CDH23: variants seen among roughly 807,000 people sequenced by gnomAD.
CDH23 encodes the protein cadherin-23.
A neutral mutation model predicts 317.1 loss-of-function variants in CDH23; 189 were observed. The ratio of observed to expected loss-of-function variants is 0.60; its 90% CI spans 0.53 to 0.67. The LOEUF (loss-of-function observed/expected upper bound fraction) is 0.67, where lower values mean the gene tolerates loss of function less well. Among genes scored for constraint, CDH23 ranks in the 30% least tolerant of loss-of-function variants. The probability of loss-of-function intolerance (pLI) is 0.00; values close to 1 mark genes in which losing one functional copy is unlikely to be tolerated. For missense variants in CDH23, 4,401 were observed against 4,592.4 expected, an observed-to-expected ratio of 0.96 and a Z score of 1.20; for synonymous variants, 1,839 against 1,876.8, an observed-to-expected ratio of 0.98 and a Z score of 0.52.
chr10:71,577,487 TC>T (rs1858292712), intron 8 of CDH23, among the ~76,000 whole-genome samples: 1 of 152,042 alleles, frequency 6.6e-6, no homozygotes, highest in Non-Finnish European at 1.5e-5. Flanking sequence ...GAAAACAAGG[TC>T]CCAGGCTTTT....
chr10:71,558,148 C>A (rs1326191421), intron 6 of CDH23, among the ~76,000 whole-genome samples: 2 of 152,134 alleles, frequency 1.3e-5, no homozygotes, highest in African/African-American at 4.8e-5. Flanking sequence ...TGGGCACCCA[C>A]TACCATGCCC....
chr10:71,661,791 G>C (rs1410700279), intron 14 of CDH23, among the ~76,000 whole-genome samples: 3 of 23,504 alleles, frequency 1.3e-4, no homozygotes, highest in Non-Finnish European at 2.4e-4. Context: ...CTCCCACCCT[G>C]CGCGCCCCCT....
intron 26 of CDH23, among the ~76,000 whole-genome samples, chr10:71,708,803 C>T (rs1747392705): frequency 6.6e-6 from 1 of 152,250 alleles, no homozygotes; most frequent in Admixed American, 6.5e-5. Flanking sequence ...AGGCACATCA[C>T]TGAGTGAGGG....
chr10:71,446,594 G>T (rs1017177424), intron 3 of CDH23, among the ~76,000 whole-genome samples, 199 bp downstream of exon 3: 4 of 152,142 alleles, frequency 2.6e-5, no homozygotes, highest in Non-Finnish European at 5.9e-5. Flanking sequence ...ACGTCAAAGG[G>T]TTTATCACAT....
intron 28 of CDH23, among the ~76,000 whole-genome samples, chr10:71,722,669 T>C (rs1397186150): frequency 6.6e-6 from 1 of 152,194 alleles, no homozygotes; most frequent in African/African-American, 2.4e-5. Flanking sequence ...GTGGGGGCTA[T>C]AATTTCATAT....
chr10:71,500,766 TTTC>T (rs1853251509), intron 3 of CDH23, among the ~76,000 whole-genome samples: 2 of 99,114 alleles, frequency 2.0e-5, no homozygotes, highest in African/African-American at 8.3e-5. Flanking sequence ...CCTGTTTTCT[TTTC>T]TTTTCTTTTC....
At chr10:71,643,768 G>T in intron 11 of CDH23, 93 bp from the exon 12 acceptor site, 1 of 748,674 alleles carries the variant, frequency 1.3e-6, no homozygotes, top group South Asian at 1.4e-5. Context: ...GGGTCTCACT[G>T]TCTTTTCTCT....
Position 71,690,460 on chromosome 10 carries a change from C to A in CDH23, c.2060-8C>A. ...GCACCCCCTGCCCCCACCTTTTTCCCCCTGAAGGAGCCACGGTGCTGTTCC... is the reference window on the plus strand; with the variant it reads ...GCACCCCCTGCCCCCACCTTTTTCCACCTGAAGGAGCCACGGTGCTGTTCC... On this transcript the variant is annotated splice_region_variant and splice_polypyrimidine_tract_variant and intron_variant, in intron 19 of 69. Coordinates refer to ENST00000224721, the MANE Select transcript of CDH23 (RefSeq NM_022124.6). The A allele has an allele frequency of 2.5e-6, 4 of 1,585,916 alleles. No homozygotes were observed. Among genetic ancestry groups the A allele is most frequent in the East Asian group, 2.3e-5 (1 of 43,528 alleles).
At chr10:71,730,379 G>T in intron 30 of CDH23, 90 bp from the exon 31 acceptor site, 1 of 1,510,308 alleles carries the variant, frequency 6.6e-7, no homozygotes. Context: ...GGAAAGCAGT[G>T]ACCACACAAG....
At chr10:71,482,728 C>T (rs757648894) in intron 3 of CDH23, among the ~76,000 whole-genome samples, 2 of 152,272 alleles carry the variant, frequency 1.3e-5, no homozygotes, top group Non-Finnish European at 2.9e-5. Context: ...AAGCCGAGTG[C>T]GAATGGAGAC....
At chr10:71,749,310 T>G (rs542937626) in intron 38 of CDH23, 8 of 152,416 alleles carry the variant, frequency 5.2e-5, no homozygotes, top group African/African-American at 1.7e-4. Flanking sequence ...CTTTCTTTCT[T>G]TTTAAAATTT....
At chr10:71,718,804 C>T (rs991155130) in intron 28 of CDH23, among the ~76,000 whole-genome samples, 2 of 152,082 alleles carry the variant, frequency 1.3e-5, no homozygotes, top group African/African-American at 2.4e-5. Flanking sequence ...TGTTGGCTCT[C>T]ACCTGTAATC....
intron 14 of CDH23, among the ~76,000 whole-genome samples, chr10:71,672,022 C>T (rs900311961): frequency 2.0e-5 from 3 of 152,082 alleles, no homozygotes; most frequent in Non-Finnish European, 4.4e-5. Context: ...CATGACCCCA[C>T]GCTGCCCTCT....
At chr10:71,624,734 CTATTATTAT>C (rs57038733) in intron 11 of CDH23, among the ~76,000 whole-genome samples, 24 of 146,208 alleles carry the variant, frequency 1.6e-4, no homozygotes, top group South Asian at 4.4e-4. Flanking sequence ...TAGACATTAG[CTATTATTAT>C]TATTATTATT....
At chr10:71,781,897 T>G (rs1212950824) in intron 41 of CDH23, among the ~76,000 whole-genome samples, 1 of 152,108 alleles carries the variant, frequency 6.6e-6, no homozygotes, top group Non-Finnish European at 1.5e-5. Flanking sequence ...CTGACATGGG[T>G]CACGACATCC....
At chr10:71,442,502 C>A (rs1206073721) in intron 2 of CDH23, among the ~76,000 whole-genome samples, 3 of 152,196 alleles carry the variant, frequency 2.0e-5, no homozygotes, top group South Asian at 2.1e-4. Context: ...CCGATCTCTA[C>A]CCCCCTACCT....
chr10:71,574,824 C>T (rs1342044501), intron 8 of CDH23, among the ~76,000 whole-genome samples: 2 of 152,164 alleles, frequency 1.3e-5, no homozygotes, highest in Non-Finnish European at 2.9e-5. Context: ...ACACCTCACC[C>T]CCTCCTCATC....
intron 38 of CDH23, among the ~76,000 whole-genome samples, chr10:71,756,214 T>G (rs1840143749): frequency 6.6e-6 from 1 of 152,162 alleles, no homozygotes; most frequent in Admixed American, 6.5e-5. Context: ...CAAGACCCCC[T>G]CTGAAGAGAT....
intron 1 of CDH23, among the ~76,000 whole-genome samples, chr10:71,428,426 C>CT (rs1683072053): frequency 6.8e-6 from 1 of 147,480 alleles, no homozygotes; most frequent in Admixed American, 6.8e-5. Flanking sequence ...ATGCGAGCCA[C>CT]CACGCCTGGC....
Sources: gnomAD v4.1 joint callset for allele counts (sites outside exome capture counted in the v4.1 genomes callset) on GRCh38, gnomAD v4.1.1 for gene constraint, MANE v1.5 for transcripts, NCBI Gene and HGNC (gene_info 2026-07-23, HGNC 2026-07-21) for gene names.